Variants in NAA15 observed in about 807,000 individuals in gnomAD.
NAA15 encodes the protein N-alpha-acetyltransferase 15, NatA auxiliary subunit.
NAA15 carries 34 observed loss-of-function variants against 114.0 expected under a neutral mutation model. The ratio of observed to expected loss-of-function variants is 0.30; its 90% CI spans 0.23 to 0.40. NAA15 has a LOEUF of 0.40. Among genes scored for constraint, NAA15 ranks in the 10% least tolerant of loss-of-function variants. NAA15 has a pLI of 1.00. For synonymous variants in NAA15, 340 were observed against 338.0 expected (o/e 1.01, Z -0.06); for missense variants, 658 against 1,004.5 (o/e 0.66, Z 4.66).
chr4:139,371,142 C>T (rs1748424123), intron 15 of NAA15, among the ~76,000 whole-genome samples: 1 of 152,178 alleles, frequency 6.6e-6, no homozygotes, highest in Non-Finnish European at 1.5e-5. Flanking sequence ...TCGCCCCAGA[C>T]TTTAATTTTA....
chr4:139,343,073 T>TG, intron 5 of NAA15, 113 bp downstream of exon 5: 1 of 948,896 alleles, frequency 1.1e-6, no homozygotes, highest in Non-Finnish European at 1.6e-6. Flanking sequence ...ATAGAAAAGT[T>TG]GCAGGAATAG....
At chr4:139,341,093 T>A (rs1747369738) in intron 4 of NAA15, 24 bp downstream of exon 4, 1 of 1,444,896 alleles carries the variant, frequency 6.9e-7, no homozygotes, top group African/African-American at 1.5e-5. Context: ...AGACTTTTTT[T>A]TTTAATTCTA....
At chr4:139,365,734 C>A (rs1748261404) in intron 14 of NAA15, among the ~76,000 whole-genome samples, 1 of 152,090 alleles carries the variant, frequency 6.6e-6, no homozygotes, top group African/African-American at 2.4e-5. Flanking sequence ...ACCTGTAGTT[C>A]TAGCTACTCA....
chr4:139,383,920 AG>A (rs1378995970), intron 17 of NAA15, among the ~76,000 whole-genome samples: 1 of 152,194 alleles, frequency 6.6e-6, no homozygotes, highest in Non-Finnish European at 1.5e-5. Flanking sequence ...TTGGGTATAG[AG>A]GAAGATAGGG....
At chr4:139,367,916 T>C (rs1748329088) in intron 14 of NAA15, among the ~76,000 whole-genome samples, 1 of 152,220 alleles carries the variant, frequency 6.6e-6, no homozygotes, top group African/African-American at 2.4e-5. Context: ...AACTTTCTGC[T>C]ACTCTGTGGC....
At chr4:139,349,090 G>T (rs1747694589) in intron 6 of NAA15, among the ~76,000 whole-genome samples, 1 of 152,198 alleles carries the variant, frequency 6.6e-6, no homozygotes, top group Non-Finnish European at 1.5e-5. Flanking sequence ...CATAAGGTTA[G>T]GATATTGAAT....
intron 19 of NAA15, among the ~76,000 whole-genome samples, chr4:139,386,995 A>G (rs1019830220): frequency 3.3e-5 from 5 of 152,224 alleles, no homozygotes; most frequent in African/African-American, 1.2e-4. Flanking sequence ...CCAGATAAAC[A>G]TGTATATGCT....
chr4:139,310,104 C>CAATGAAG (rs1325437369), intron 1 of NAA15, among the ~76,000 whole-genome samples: 1 of 152,158 alleles, frequency 6.6e-6, no homozygotes, highest in African/African-American at 2.4e-5. Context: ...AATATTTCTG[C>CAATGAAG]TTCTGACAAT....
At chr4:139,324,885 A>G (rs1040166348) in intron 1 of NAA15, among the ~76,000 whole-genome samples, 1 of 152,228 alleles carries the variant, frequency 6.6e-6, no homozygotes, top group African/African-American at 2.4e-5. Context: ...TTGAGGAGAA[A>G]TGAATTAGTA....
chr4:139,332,576 T>TTTTTG (rs1747053887), intron 1 of NAA15, among the ~76,000 whole-genome samples: 1 of 110,864 alleles, frequency 9.0e-6, no homozygotes, highest in South Asian at 3.7e-4. Flanking sequence ...TTGTATGTTT[T>TTTTTG]TTTTTTTTTT....
At chr4:139,339,552 C>G (rs959858968) in intron 3 of NAA15, among the ~76,000 whole-genome samples, 1 of 151,938 alleles carries the variant, frequency 6.6e-6, no homozygotes, top group Non-Finnish European at 1.5e-5. Context: ...AGATCAAGAC[C>G]ATCCTGGCCA....
chr4:139,378,935 A>T (rs927901250), intron 17 of NAA15, 81 bp downstream of exon 17: 2 of 847,354 alleles, frequency 2.4e-6, no homozygotes, highest in East Asian at 2.9e-5. Context: ...CAAGTTTATC[A>T]TAAACCAAAT....
chr4:139,361,667 T>C, intron 13 of NAA15, 57 bp from the exon 14 acceptor site: 1 of 1,072,398 alleles, frequency 9.3e-7, no homozygotes, highest in Admixed American at 2.7e-5. Context: ...TTTGATTTTA[T>C]AGTTTTCTTA....
chr4:139,366,630 A>G (rs573023468), intron 14 of NAA15, among the ~76,000 whole-genome samples: 2 of 147,918 alleles, frequency 1.4e-5, no homozygotes, highest in Admixed American at 1.4e-4. Flanking sequence ...AATTTTTGAG[A>G]CAGGGTCTCA....
Position 139,386,126 on chromosome 4 carries a change from C to CA in NAA15, c.2303-6dup, listed in dbSNP as rs769991855. ...TGAAATAAATTTCCTATTTCCCTCT[C>CA]ATTTAGCTGCCAAAATGGTATATTA... On this transcript the variant is annotated splice_region_variant and splice_polypyrimidine_tract_variant and intron_variant, in intron 18 of 19. Transcript: ENST00000296543. The CA allele has an allele frequency of 6.5e-7, 1 of 1,531,500 alleles. No homozygotes were observed. The highest frequency in any genetic ancestry group is 1.2e-5 in the South Asian group (1 of 83,672). 94.9% of individuals were successfully genotyped at this position (1,531,500 alleles called of 1,614,324 possible).
At chr4:139,353,500 G>A (rs754024680) in intron 9 of NAA15, among the ~76,000 whole-genome samples, 5 of 152,196 alleles carry the variant, frequency 3.3e-5, no homozygotes, top group African/African-American at 7.2e-5. Context: ...CCAGGAGCGA[G>A]TAGTATAGTC....
chr4:139,370,066 A>G (rs1748391942), intron 14 of NAA15, 145 bp from the exon 15 acceptor site: 4 of 586,424 alleles, frequency 6.8e-6, no homozygotes, highest in Non-Finnish European at 1.0e-5. Context: ...TGGCCTCCCA[A>G]AGTGCTGGGA....
In NAA15 at chr4:139,332,007, C is replaced by T. The variant is rs533820043; in HGVS notation, c.55-2167C>T. 1.4e-3 allele frequency among the ~76,000 whole-genome samples: 206 copies of T among 152,196 alleles called. 1 individual carries two copies. In the Middle Eastern group the frequency reaches 0.017, roughly 13 times the overall value. The stretch of plus-strand genomic sequence containing the variant: ...GATTAACATTTTCCATGTTAGCAAG[C>T]ACACTAGTTCGATTTTTGCTCTTGC... On this transcript the variant is annotated intron_variant, in intron 1 of 19. Transcript: ENST00000296543.
chr4:139,388,138 T>C lies in NAA15; in HGVS notation c.*54T>C. Reference sequence around the variant, plus strand: ...TTTGGACCATATCTAGTATATAATATTTTTGTCACGCACCTGCTGCATTGC... The same window carrying C: ...TTTGGACCATATCTAGTATATAATACTTTTGTCACGCACCTGCTGCATTGC... On this transcript the variant is annotated 3_prime_UTR_variant, in exon 20 of 20. Transcript: ENST00000296543. 2.0e-6 allele frequency: 3 copies of C among 1,495,118 alleles called. No homozygotes were observed. The highest frequency in any genetic ancestry group is 2.8e-6 in the Non-Finnish European group (3 of 1,085,456). The allele number at this position is 1,495,118 out of a possible 1,614,324, so 92.6% of individuals were successfully genotyped here. A position where few individuals can be genotyped will look rare whatever the true frequency, so the allele number is the denominator to read the frequency against.
Sources: gnomAD v4.1 joint callset for allele counts (sites outside exome capture counted in the v4.1 genomes callset) on GRCh38, gnomAD v4.1.1 for gene constraint, MANE v1.5 for transcripts, NCBI Gene and HGNC (gene_info 2026-07-23, HGNC 2026-07-21) for gene names.